The following GDPD4 variants were observed in gnomAD, a reference collection of about 807,000 sequenced individuals.
GDPD4 encodes glycerophosphodiester phosphodiesterase domain containing 4.
Under a neutral mutation model 67.8 loss-of-function variants are expected in GDPD4, and 60 were observed. That is an observed-to-expected ratio of 0.88 (90% CI 0.72 to 1.10). The LOEUF (loss-of-function observed/expected upper bound fraction) is 1.10, where lower values mean the gene tolerates loss of function less well. Ranked by LOEUF, GDPD4 falls within the 50% of genes least tolerant of loss-of-function variation. GDPD4 has a pLI of 0.00. For missense variants in GDPD4, 623 were observed against 613.9 expected, an observed-to-expected ratio of 1.01 and a Z score of -0.16; for synonymous variants, 212 against 210.9, an observed-to-expected ratio of 1.00 and a Z score of -0.04.
intron 12 of GDPD4, among the ~76,000 whole-genome samples, chr11:77,245,020 C>T (rs904833935): frequency 2.0e-5 from 3 of 152,118 alleles, no homozygotes; most frequent in Non-Finnish European, 4.4e-5. Flanking sequence ...ACACATATTC[C>T]TCTTTAACAG....
chr11:77,234,057 T>A (rs1349921834), intron 13 of GDPD4, among the ~76,000 whole-genome samples: 3 of 152,124 alleles, frequency 2.0e-5, no homozygotes, highest in African/African-American at 4.8e-5. Flanking sequence ...CTTCAAAAAA[T>A]TTTTTCAACT....
intron 16 of GDPD4, among the ~76,000 whole-genome samples, chr11:77,223,761 G>A (rs1958272723): frequency 6.6e-6 from 1 of 152,234 alleles, no homozygotes; most frequent in South Asian, 2.1e-4. Context: ...GTCTGCAGAA[G>A]TTTCTGCTGC....
rs577035692 is a variant in GDPD4 at position 77,275,115 on chromosome 11, C to T, written c.207+1046G>A. Among the ~76,000 whole-genome samples, 3 of 152,226 alleles carry T rather than the reference C, an allele frequency of 2.0e-5. No individual in the cohort carries two copies. The South Asian group carries it at 6.2e-4, about 32-fold the overall frequency. On this transcript the variant is annotated intron_variant, in intron 5 of 16. Coordinates refer to ENST00000315938, the MANE Select transcript of GDPD4 (RefSeq NM_182833.3). ...GATAAATGCTTGAGATGATGGATATCCTAAATTCCCTGATTTGAGCATTAT... is the reference window on the plus strand; with the variant it reads ...GATAAATGCTTGAGATGATGGATATTCTAAATTCCCTGATTTGAGCATTAT...
intron 11 of GDPD4, among the ~76,000 whole-genome samples, chr11:77,245,936 T>A (rs141079758): frequency 0.011 from 1,710 of 152,298 alleles, 11 homozygotes; most frequent in Middle Eastern, 0.017. Context: ...CATATCCACT[T>A]GTTAAAATCC....
intron 1 of GDPD4, among the ~76,000 whole-genome samples, chr11:77,289,055 G>A (rs1417652162): frequency 6.6e-6 from 1 of 151,428 alleles, no homozygotes; most frequent in Non-Finnish European, 1.5e-5. Flanking sequence ...GAGAGAGAAA[G>A]AAAGAGAAGG....
At chr11:77,239,590 A>G (rs1313360251) in intron 13 of GDPD4, among the ~76,000 whole-genome samples, 1 of 152,218 alleles carries the variant, frequency 6.6e-6, no homozygotes, top group Non-Finnish European at 1.5e-5. Context: ...CATTTACAAT[A>G]GCAACAAAAA....
chr11:77,221,590 T>G (rs1468002860), intron 16 of GDPD4, among the ~76,000 whole-genome samples: 1 of 152,238 alleles, frequency 6.6e-6, no homozygotes, highest in Non-Finnish European at 1.5e-5. Flanking sequence ...CACTGTGGTC[T>G]GAGAGACAGT....
At chr11:77,224,856 C>T (rs1958296156) in intron 16 of GDPD4, among the ~76,000 whole-genome samples, 1 of 151,792 alleles carries the variant, frequency 6.6e-6, no homozygotes. Context: ...AATTCCAGTG[C>T]TTTAGGAGGC....
chr11:77,226,890 T>C (rs534315617), intron 16 of GDPD4, among the ~76,000 whole-genome samples: 1 of 152,346 alleles, frequency 6.6e-6, no homozygotes, highest in East Asian at 1.9e-4. Context: ...TTTTTCATGA[T>C]CCCTGTGGAT....
chr11:77,242,436 G>C (rs1304649166), intron 13 of GDPD4, among the ~76,000 whole-genome samples: 1 of 152,106 alleles, frequency 6.6e-6, no homozygotes, highest in Non-Finnish European at 1.5e-5. Context: ...AGTTAAAACA[G>C]CAAGAATAAT....
chr11:77,285,064 A>T (rs1959937097), intron 3 of GDPD4, 21 bp downstream of exon 3: 1 of 1,584,362 alleles, frequency 6.3e-7, no homozygotes, highest in Non-Finnish European at 8.7e-7. Flanking sequence ...CACAAATGAA[A>T]CTACAAAAAG....
rs142599319 is a variant in GDPD4 at position 77,217,146 on chromosome 11, G to A, written c.*131C>T. ...TTGATAGGTAGTAGTTTCTTGGATG[G>A]TGCTGCAAAATTGAAATGGCCTTGG... is the stretch of plus-strand genomic sequence containing the variant. On this transcript the variant is annotated 3_prime_UTR_variant, in exon 17 of 17. Transcript: ENST00000315938. The A allele has an allele frequency of 4.8e-5, 37 of 763,496 alleles. No homozygotes were observed. The highest frequency in any genetic ancestry group is 4.6e-4 in the African/African-American group (27 of 58,622). The allele number at this position is 763,496 out of a possible 1,614,324, so 47.3% of individuals were successfully genotyped here.
In GDPD4 at chr11:77,243,688, A is replaced by G. The variant is rs1565517513; in HGVS notation, c.1241+6T>C. On this transcript the variant is annotated splice_donor_region_variant and intron_variant, in intron 13 of 16. Transcript: ENST00000315938. ...TGTGCCAAGAGAGGTGTGGTCAAAC[A>G]CTTACCTTAACCCATTAGGGAACAA... is the stretch of plus-strand genomic sequence containing the variant. 1.2e-6 allele frequency: 2 copies of G among 1,609,300 alleles called. No individual in the cohort carries two copies. Among genetic ancestry groups the G allele is most frequent in the Non-Finnish European group, 8.5e-7 (1 of 1,175,612 alleles).
intron 1 of GDPD4, among the ~76,000 whole-genome samples, chr11:77,297,979 T>C (rs938568571): frequency 2.6e-5 from 4 of 152,034 alleles, no homozygotes; most frequent in East Asian, 1.9e-4. Context: ...CTAGGCAGCA[T>C]GGAGAATAGA....
intron 16 of GDPD4, 125 bp downstream of exon 16, chr11:77,227,739 C>T (rs1429272158): frequency 3.4e-6 from 2 of 595,286 alleles, no homozygotes; most frequent in African/African-American, 1.9e-5. Context: ...GGTCCCTCCC[C>T]CAACCCCACC....
At chr11:77,263,186 A>G (rs1959153491) in intron 10 of GDPD4, among the ~76,000 whole-genome samples, 1 of 152,190 alleles carries the variant, frequency 6.6e-6, no homozygotes, top group Admixed American at 6.5e-5. Context: ...TACACAAAAG[A>G]ATAGTGCCAG....
intron 1 of GDPD4, among the ~76,000 whole-genome samples, chr11:77,287,788 G>A (rs144680985): frequency 3.3e-5 from 5 of 152,232 alleles, no homozygotes; most frequent in African/African-American, 7.2e-5. Context: ...TTAAAGGCAC[G>A]GGTGAGGTAC....
At position 77,231,796 on chromosome 11, in the gene GDPD4, T is replaced by C. The variant is rs369519217; in HGVS notation, c.1389+1229A>G. 2.1e-4 allele frequency among the ~76,000 whole-genome samples: 32 copies of C among 152,156 alleles called. No homozygotes were observed. The East Asian group carries it at 5.2e-3, about 25-fold the overall frequency. ...GATTTTAAAATGTTAGAAAAACACA[T>C]AGTATATACATGAAGGGGAGTTATA... On this transcript the variant is annotated intron_variant, in intron 14 of 16. Coordinates refer to ENST00000315938, the MANE Select transcript of GDPD4 (RefSeq NM_182833.3).
In GDPD4 at chr11:77,284,951, A is replaced by G. The variant is rs1443028407; in HGVS notation, c.53+134T>C. ...TGCCCCAGAGGCAGGCCTCTCACCCAAAAGCTGTGGAAAGCCCAGTTTTGT... is the reference window on the plus strand; with the variant it reads ...TGCCCCAGAGGCAGGCCTCTCACCCGAAAGCTGTGGAAAGCCCAGTTTTGT... On this transcript the variant is annotated intron_variant, in intron 3 of 16. Transcript: ENST00000315938. The G allele has an allele frequency of 7.3e-6, 5 of 683,302 alleles. No individual in the cohort carries two copies. In the African/African-American group the frequency reaches 9.0e-5, roughly 12 times the overall value. 42.3% of individuals were successfully genotyped at this position (683,302 alleles called of 1,614,324 possible).
Sources: allele counts gnomAD v4.1 joint callset (sites outside exome capture counted in the v4.1 genomes callset), GRCh38; gene constraint gnomAD v4.1.1; transcripts MANE v1.5; gene names NCBI Gene and HGNC (gene_info 2026-07-23, HGNC 2026-07-21).